Variants in VAV2 observed in about 807,000 individuals in gnomAD.
The protein encoded by VAV2 is vav guanine nucleotide exchange factor 2, also known as guanine nucleotide exchange factor VAV2.
VAV2 carries 67 observed loss-of-function variants against 132.5 expected under a neutral mutation model. The ratio of observed to expected loss-of-function variants is 0.51; its 90% CI spans 0.42 to 0.62. The LOEUF (loss-of-function observed/expected upper bound fraction) is 0.62. Ranked by LOEUF, VAV2 falls within the 20% of genes least tolerant of loss-of-function variation. The pLI is 0.00. For missense variants in VAV2, 938 were observed against 1,153.6 expected (o/e 0.81, Z 2.71); for synonymous variants, 492 against 443.5 (o/e 1.11, Z -1.37).
chr9:133,940,302 A>C (rs1209572473), intron 1 of VAV2, among the ~76,000 whole-genome samples: 1 of 152,200 alleles, frequency 6.6e-6, no homozygotes, highest in African/African-American at 2.4e-5. Context: ...ACACAGCCCA[A>C]TAAGAGCCCA....
chr9:133,776,063 C>A lies in VAV2; in HGVS notation c.1983G>T (p.Pro661=), dbSNP rs1171482530. Residue 661 remains proline, a synonymous_variant, in exon 24 of 30, where the codon CCG becomes CCT. Coordinates refer to ENST00000371850, the MANE Select transcript of VAV2 (RefSeq NM_001134398.2). ...CAGTGTAGTCGATCTCCCGGGATGG[C>A]GGCCGGCTGATGGGCGGCTGGTGGC... The part of the protein sequence containing the change: ...PVDGRPPISR[P]PSREIDYTAY... 2 of 1,613,042 alleles carry A rather than the reference C, an allele frequency of 1.2e-6. No homozygotes were observed. Among genetic ancestry groups the A allele is most frequent in the Non-Finnish European group, 1.7e-6 (2 of 1,179,692 alleles).
chr9:133,934,924 G>A (rs923111290), intron 2 of VAV2, among the ~76,000 whole-genome samples: 3 of 152,204 alleles, frequency 2.0e-5, no homozygotes, highest in African/African-American at 7.2e-5. Flanking sequence ...AGCCCTGAAT[G>A]CTGTGAATGT....
At chr9:133,889,782 G>A (rs898371485) in intron 2 of VAV2, among the ~76,000 whole-genome samples, 2 of 151,766 alleles carry the variant, frequency 1.3e-5, no homozygotes, top group African/African-American at 4.8e-5. Flanking sequence ...TTTCTTCTCT[G>A]TCCCCCGTTA....
chr9:133,979,135 G>A (rs567250134), intron 1 of VAV2, among the ~76,000 whole-genome samples: 6 of 152,330 alleles, frequency 3.9e-5, no homozygotes, highest in East Asian at 3.9e-4. Flanking sequence ...TGGTGGTGTC[G>A]GAGAGGCGAG....
chr9:133,817,949 G>A (rs1049539603), intron 4 of VAV2, among the ~76,000 whole-genome samples: 1 of 152,174 alleles, frequency 6.6e-6, no homozygotes, highest in African/African-American at 2.4e-5. Context: ...TTATTTCTAG[G>A]TGTGTCTGTG....
chr9:133,850,521 T>C (rs985394861), intron 3 of VAV2, among the ~76,000 whole-genome samples: 3 of 152,202 alleles, frequency 2.0e-5, no homozygotes, highest in Non-Finnish European at 2.9e-5. Context: ...TGGACGGCTA[T>C]GGACTCCTTG....
intron 1 of VAV2, among the ~76,000 whole-genome samples, chr9:133,945,853 G>T (rs759729134): frequency 6.6e-6 from 1 of 152,230 alleles, no homozygotes; most frequent in Non-Finnish European, 1.5e-5. Context: ...TTCCAGTGCA[G>T]ACCCCACAGC....
chr9:133,812,369 C>T (rs570448915), intron 4 of VAV2, among the ~76,000 whole-genome samples, 153 bp from the exon 5 acceptor site: 3 of 152,328 alleles, frequency 2.0e-5, no homozygotes, highest in Admixed American at 1.3e-4. Context: ...GGGTGGGCCC[C>T]GCCTGCAGGG....
intron 1 of VAV2, 66 bp from the exon 2 acceptor site, chr9:133,939,285 G>T: frequency 1.4e-6 from 2 of 1,400,894 alleles, no homozygotes; most frequent in East Asian, 2.3e-5. Context: ...TGTAAAAACC[G>T]TAACAGCAAC....
chr9:133,851,347 G>A (rs1187180420), intron 3 of VAV2, among the ~76,000 whole-genome samples: 1 of 152,226 alleles, frequency 6.6e-6, no homozygotes, highest in African/African-American at 2.4e-5. Context: ...GACCCACTGT[G>A]TGCCAGGCAC....
At chr9:133,842,851 G>A (rs984150416) in intron 3 of VAV2, among the ~76,000 whole-genome samples, 2 of 152,258 alleles carry the variant, frequency 1.3e-5, no homozygotes, top group African/African-American at 2.4e-5. Flanking sequence ...TTGGCACTGT[G>A]TGCCGGGGAA....
At chr9:133,771,686 G>A (rs892845155) in intron 26 of VAV2, among the ~76,000 whole-genome samples, 1 of 152,162 alleles carries the variant, frequency 6.6e-6, no homozygotes, top group Non-Finnish European at 1.5e-5. Context: ...AGGAATCTGG[G>A]GCTGCTGGTG....
chr9:133,960,260 G>C (rs564076798), intron 1 of VAV2, among the ~76,000 whole-genome samples: 1 of 152,276 alleles, frequency 6.6e-6, no homozygotes, highest in African/African-American at 2.4e-5. Context: ...GGCGCCCTCC[G>C]GGACCAAGCT....
chr9:133,784,111 C>T (rs949788925), intron 18 of VAV2, among the ~76,000 whole-genome samples: 1 of 152,154 alleles, frequency 6.6e-6, no homozygotes, highest in African/African-American at 2.4e-5. Flanking sequence ...AACTACTGGG[C>T]TCAAGCGATT....
intron 2 of VAV2, among the ~76,000 whole-genome samples, chr9:133,914,699 AGG>A: frequency 4.2e-5 from 1 of 23,642 alleles, no homozygotes; most frequent in African/African-American, 2.1e-4. Flanking sequence ...GGGAAGCGGG[AGG>A]GGAAGGAGAG....
In VAV2 at chr9:133,833,355, C is replaced by T. The variant is rs889409648; in HGVS notation, c.449+917G>A. On this transcript the variant is annotated intron_variant, in intron 4 of 29. Coordinates refer to ENST00000371850, the MANE Select transcript of VAV2 (RefSeq NM_001134398.2). The surrounding 1 kb of genome is among the most constrained non-coding windows in gnomAD (Gnocchi z 5.6). ...GCAGCTCCCCCTCTTACTCCTCTCC[C>T]GGTTGTCATTCTCAGTCTGTGCTCT... Among the ~76,000 whole-genome samples, 11 of 152,200 alleles carry T rather than the reference C, an allele frequency of 7.2e-5. No homozygotes were observed.
chr9:133,972,642 G>A (rs763683140), intron 1 of VAV2, among the ~76,000 whole-genome samples: 1 of 152,196 alleles, frequency 6.6e-6, no homozygotes, highest in African/African-American at 2.4e-5. Flanking sequence ...CAGAGTCATC[G>A]GCAGGGCCTC....
intron 3 of VAV2, among the ~76,000 whole-genome samples, chr9:133,853,134 G>C (rs2261150): frequency 0.27 from 40,577 of 152,198 alleles, 6,494 homozygotes; most frequent in African/African-American, 0.46. Flanking sequence ...ACAGCAGGAA[G>C]AGGTTCAAAG....
intron 9 of VAV2, among the ~76,000 whole-genome samples, chr9:133,805,380 T>C (rs1036846746): frequency 6.6e-6 from 1 of 152,052 alleles, no homozygotes; most frequent in African/African-American, 2.4e-5. Context: ...CTCCAAAGGA[T>C]CCCCGAGGGA....
Sources: gnomAD v4.1 joint callset for allele counts (sites outside exome capture counted in the v4.1 genomes callset) on GRCh38, gnomAD v4.1.1 for gene constraint, Gnocchi (gnomAD v3.1) non-coding constraint, MANE v1.5 for transcripts, NCBI Gene and HGNC (gene_info 2026-07-23, HGNC 2026-07-21) for gene names.